The following TSNARE1 variants were observed in gnomAD, a reference collection of about 807,000 sequenced individuals.
The protein encoded by TSNARE1 is t-SNARE domain containing 1, also known as t-SNARE domain-containing protein 1.
TSNARE1 carries 49 observed loss-of-function variants against 62.0 expected under a neutral mutation model. That is an observed-to-expected ratio of 0.79 (90% CI 0.63 to 1.00). TSNARE1 has a LOEUF of 1.00. TSNARE1 is among the 50% of genes least tolerant of loss of function. The pLI is 0.00. For synonymous variants in TSNARE1, 328 were observed against 294.4 expected (o/e 1.11, Z -1.17); for missense variants, 755 against 700.1 (o/e 1.08, Z -0.88).
intron 11 of TSNARE1, chr8:142,280,055 C>T (rs901356586): frequency 3.1e-5 from 38 of 1,236,124 alleles, no homozygotes; most frequent in Non-Finnish European, 3.4e-5. Context: ...TAGCCCAGCG[C>T]GTTCACTGCC....
At chr8:142,227,521 C>T (rs1237848963) in intron 13 of TSNARE1, among the ~76,000 whole-genome samples, 1 of 152,010 alleles carries the variant, frequency 6.6e-6, no homozygotes, top group African/African-American at 2.4e-5. Flanking sequence ...AGCCAGGCCC[C>T]CCATTCTGCC....
intron 13 of TSNARE1, among the ~76,000 whole-genome samples, chr8:142,228,986 G>A (rs919271904): frequency 5.3e-5 from 8 of 152,054 alleles, no homozygotes; most frequent in African/African-American, 1.9e-4. Context: ...GTAGATGGAT[G>A]GACAGATGGT....
intron 11 of TSNARE1, chr8:142,275,701 G>T (rs1820360656): frequency 1.0e-6 from 1 of 985,340 alleles, no homozygotes; most frequent in Non-Finnish European, 1.2e-6. Context: ...CAGGCAACTG[G>T]AGAAGAGCTT....
intron 1 of TSNARE1, among the ~76,000 whole-genome samples, chr8:142,365,492 A>T (rs1835466288): frequency 6.6e-6 from 1 of 152,204 alleles, no homozygotes; most frequent in African/African-American, 2.4e-5. Flanking sequence ...CCTGATCTTG[A>T]TCACTGTGGT....
chr8:142,284,375 G>A (rs376180149), intron 11 of TSNARE1, 38 bp downstream of exon 11: 32 of 1,570,800 alleles, frequency 2.0e-5, no homozygotes, highest in Middle Eastern at 1.7e-4. Flanking sequence ...GCAGGCCCTC[G>A]GGGCAGCAGG....
At chr8:142,302,217 C>T (rs1168945077) in intron 9 of TSNARE1, among the ~76,000 whole-genome samples, 1 of 152,160 alleles carries the variant, frequency 6.6e-6, no homozygotes, top group Admixed American at 6.5e-5. Flanking sequence ...GCCCTGCCCC[C>T]AGATCCAGCT....
At chr8:142,258,119 G>A (rs116369844) in intron 12 of TSNARE1, among the ~76,000 whole-genome samples, 4,064 of 152,178 alleles carry the variant, frequency 0.027, 114 homozygotes, top group Admixed American at 0.084. Context: ...GCCTATGCAC[G>A]AAGGCACACG....
At chr8:142,307,844 C>T (rs545941015) in intron 9 of TSNARE1, among the ~76,000 whole-genome samples, 9 of 152,318 alleles carry the variant, frequency 5.9e-5, no homozygotes, top group African/African-American at 2.2e-4. Context: ...CCAGTAAAGG[C>T]ATGAGAGTGC....
At chr8:142,382,059 C>T (rs370216021) in intron 1 of TSNARE1, among the ~76,000 whole-genome samples, 3 of 152,200 alleles carry the variant, frequency 2.0e-5, no homozygotes, top group East Asian at 1.9e-4. Flanking sequence ...TTCCCAGGCC[C>T]ACGCGCCCCT....
intron 13 of TSNARE1, among the ~76,000 whole-genome samples, chr8:142,216,071 G>T (rs1181830221): frequency 1.3e-5 from 2 of 152,188 alleles, no homozygotes; most frequent in Non-Finnish European, 2.9e-5. Context: ...GAGGGGGAAA[G>T]GTTCCCATGG....
chr8:142,216,024 ATC>A (rs1815815297), intron 13 of TSNARE1, among the ~76,000 whole-genome samples: 1 of 152,150 alleles, frequency 6.6e-6, no homozygotes, highest in Admixed American at 6.5e-5. Context: ...GGCATGTGGC[ATC>A]TGCCGGCTGA....
intron 12 of TSNARE1, among the ~76,000 whole-genome samples, chr8:142,236,458 C>T (rs1586813678): frequency 6.6e-6 from 1 of 152,124 alleles, no homozygotes; most frequent in Non-Finnish European, 1.5e-5. Context: ...GGCACCCTCC[C>T]TATGCTAAGC....
chr8:142,234,307 G>A (rs1383045542), intron 12 of TSNARE1, among the ~76,000 whole-genome samples: 1 of 151,616 alleles, frequency 6.6e-6, no homozygotes, highest in African/African-American at 2.4e-5. Flanking sequence ...ACAGGTTCAG[G>A]GAAAGCTCCA....
At chr8:142,261,087 GAAGGAGGGA>G (rs1818859045) in intron 12 of TSNARE1, among the ~76,000 whole-genome samples, 5 of 52,468 alleles carry the variant, frequency 9.5e-5, no homozygotes, top group Non-Finnish European at 1.2e-4. Context: ...AGGAAAGGAG[GAAGGAGGGA>G]AGAGAGGGGG....
At chr8:142,301,544 C>T (rs1466065191) in intron 9 of TSNARE1, among the ~76,000 whole-genome samples, 1 of 145,928 alleles carries the variant, frequency 6.9e-6, no homozygotes, top group Non-Finnish European at 1.5e-5. Context: ...GCCACAGTGC[C>T]CCCCACCTGC....
At chr8:142,265,469 G>A (rs1018467480) in intron 12 of TSNARE1, among the ~76,000 whole-genome samples, 9 of 152,194 alleles carry the variant, frequency 5.9e-5, no homozygotes, top group African/African-American at 1.2e-4. Flanking sequence ...CTGTGTGGCC[G>A]TGGCAGTCTG....
At chr8:142,276,575 A>T (rs983484112) in intron 11 of TSNARE1, 3 of 985,290 alleles carry the variant, frequency 3.0e-6, no homozygotes, top group Non-Finnish European at 3.6e-6. Flanking sequence ...GTCTGGGCTA[A>T]CACAGGTGGT....
At chr8:142,263,689 G>C (rs577637984) in intron 12 of TSNARE1, among the ~76,000 whole-genome samples, 1 of 152,192 alleles carries the variant, frequency 6.6e-6, no homozygotes, top group Non-Finnish European at 1.5e-5. Flanking sequence ...AATGACTGAG[G>C]CTATTTAGAG....
intron 1 of TSNARE1, among the ~76,000 whole-genome samples, chr8:142,397,834 G>A (rs1193652898): frequency 5.9e-5 from 9 of 152,160 alleles, no homozygotes; most frequent in African/African-American, 2.2e-4. Context: ...GCCACCACAA[G>A]GCACCCAGCA....
Sources: allele counts gnomAD v4.1 joint callset (sites outside exome capture counted in the v4.1 genomes callset), GRCh38; gene constraint gnomAD v4.1.1; transcripts MANE v1.5; gene names NCBI Gene and HGNC (gene_info 2026-07-23, HGNC 2026-07-21).